MYO16: variants seen among roughly 807,000 people sequenced by gnomAD.
MYO16 encodes the protein unconventional myosin-XVI.
MYO16 carries 94 observed loss-of-function variants against 205.3 expected under a neutral mutation model. That is an observed-to-expected ratio of 0.46 (90% CI 0.39 to 0.54). MYO16 has a LOEUF of 0.54. Among genes scored for constraint, MYO16 ranks in the 20% least tolerant of loss-of-function variants. The probability of loss-of-function intolerance (pLI) is 0.00; values close to 1 mark genes in which losing one functional copy is unlikely to be tolerated. For missense variants in MYO16, 2,315 were observed against 2,387.5 expected (o/e 0.97, Z 0.63); for synonymous variants, 988 against 954.0 (o/e 1.04, Z -0.66).
chr13:108,925,507 T>C (rs1881958548), intron 16 of MYO16, among the ~76,000 whole-genome samples: 2 of 152,212 alleles, frequency 1.3e-5, no homozygotes, highest in Non-Finnish European at 2.9e-5. Context: ...TAATATTTTA[T>C]TGCAAATCTT....
intron 21 of MYO16, among the ~76,000 whole-genome samples, chr13:109,007,666 G>A (rs1359967630): frequency 6.6e-6 from 1 of 150,744 alleles, no homozygotes; most frequent in Non-Finnish European, 1.5e-5. Flanking sequence ...TTTGAGTTAT[G>A]GTATAGTTTT....
rs577852524 is a variant in MYO16, at chr13:108,681,436, CATTT to C, written c.292+15288_292+15291del. On this transcript the variant is annotated intron_variant, in intron 2 of 34. Transcript: ENST00000457511. ...AATGTTGTTTCAGCTCTCATTCATTCATTTGTTTGCCAAATATGTTTTCTGTGGC... is the reference window on the plus strand; with the variant it reads ...AATGTTGTTTCAGCTCTCATTCATTCGTTTGCCAAATATGTTTTCTGTGGC... Among the ~76,000 whole-genome samples the C allele has an allele frequency of 4.2e-3, 640 of 152,284 alleles. 4 individuals carry two copies. The highest frequency in any genetic ancestry group is 0.013 in the African/African-American group (553 of 41,564).
rs1427168850 is a variant in MYO16 at position 109,121,526 on chromosome 13, G to GC, written c.3535+1061dup. 2.6e-5 allele frequency among the ~76,000 whole-genome samples: 4 copies of GC among 152,182 alleles called. No homozygotes were observed. In the East Asian group the frequency reaches 7.7e-4, roughly 29 times the overall value. On this transcript the variant is annotated intron_variant, in intron 29 of 34. Transcript: ENST00000457511. Reference sequence around the variant, plus strand: ...TTGTAACTCACCCCTCAGCCCCTGGGCACCTTGCAGACCCTCTGTTGGAGT... The same window carrying GC: ...TTGTAACTCACCCCTCAGCCCCTGGGCCACCTTGCAGACCCTCTGTTGGAGT...
intron 23 of MYO16, among the ~76,000 whole-genome samples, chr13:109,033,301 C>A (rs1886603061): frequency 6.6e-6 from 1 of 152,192 alleles, no homozygotes; most frequent in Non-Finnish European, 1.5e-5. Flanking sequence ...ACTCATTTTG[C>A]AGCTCAGACG....
intron 3 of MYO16, among the ~76,000 whole-genome samples, chr13:108,716,981 GA>G (rs1422592716): frequency 6.6e-6 from 1 of 152,106 alleles, no homozygotes; most frequent in Non-Finnish European, 1.5e-5. Context: ...CTGACAGACA[GA>G]AGGGGAATAA....
intron 20 of MYO16, among the ~76,000 whole-genome samples, chr13:108,983,883 TAG>T (rs1884537708): frequency 6.6e-6 from 1 of 152,188 alleles, no homozygotes; most frequent in Admixed American, 6.5e-5. Flanking sequence ...CACCTCTCAT[TAG>T]TAAAAGTTGA....
intron 19 of MYO16, 74 bp from the exon 20 acceptor site, chr13:108,964,687 T>C (rs1024688622): frequency 1.4e-6 from 2 of 1,468,932 alleles, no homozygotes; most frequent in Admixed American, 3.7e-5. Context: ...ATTAATAGGA[T>C]ATGTGGAGTT....
chr13:108,712,133 T>C (rs1240912190), intron 2 of MYO16, among the ~76,000 whole-genome samples: 1 of 152,222 alleles, frequency 6.6e-6, no homozygotes, highest in Non-Finnish European at 1.5e-5. Context: ...TTTGATGTAT[T>C]TGACTTAACT....
At chr13:109,156,980 C>T (rs879563579) in intron 32 of MYO16, among the ~76,000 whole-genome samples, 4 of 152,160 alleles carry the variant, frequency 2.6e-5, no homozygotes, top group Admixed American at 2.6e-4. Context: ...AATCCTCAGG[C>T]CTGCGGCTGT....
chr13:108,952,887 C>T (rs539167589), intron 16 of MYO16, among the ~76,000 whole-genome samples: 6 of 151,904 alleles, frequency 3.9e-5, no homozygotes, highest in South Asian at 4.2e-4. Context: ...AGGGTATGAA[C>T]GCTAGAGGTT....
intron 2 of MYO16, among the ~76,000 whole-genome samples, chr13:108,711,742 A>G (rs1442663401): frequency 1.3e-5 from 2 of 152,260 alleles, no homozygotes; most frequent in Non-Finnish European, 2.9e-5. Flanking sequence ...CAAGTTACAG[A>G]TAAAGTTAAT....
intron 20 of MYO16, among the ~76,000 whole-genome samples, chr13:108,967,922 T>C (rs891519983): frequency 6.6e-6 from 1 of 152,236 alleles, no homozygotes; most frequent in East Asian, 1.9e-4. Context: ...GAAACTCATG[T>C]AAAAACCAAA....
At chr13:108,960,862 A>G (rs904637858) in intron 17 of MYO16, among the ~76,000 whole-genome samples, 2 of 152,218 alleles carry the variant, frequency 1.3e-5, no homozygotes, top group Admixed American at 1.3e-4. Context: ...GCAGCGTTCC[A>G]GATTCTCTTT....
intron 6 of MYO16, among the ~76,000 whole-genome samples, chr13:108,799,102 G>T (rs1886893416): frequency 1.3e-5 from 2 of 152,160 alleles, no homozygotes; most frequent in African/African-American, 4.8e-5. Flanking sequence ...AGTAATGCTG[G>T]TTCATCCCTT....
intron 21 of MYO16, among the ~76,000 whole-genome samples, chr13:109,005,355 A>C (rs1365858003): frequency 6.6e-6 from 1 of 152,214 alleles, no homozygotes; most frequent in Non-Finnish European, 1.5e-5. Context: ...GCAGAGAGAC[A>C]AGAAAACCCA....
In MYO16 at chr13:109,127,312, C is replaced by T. The variant is rs1876301206; in HGVS notation, c.3813C>T (p.Phe1271=). 3.1e-6 allele frequency: 5 copies of T among 1,598,186 alleles called. No homozygotes were observed. The South Asian group carries it at 5.5e-5, about 18-fold the overall frequency. ...ATGACAAGAGTGGACCCAGGCATTT[C>T]CACCCCAGCTCCATGTCAGTCTGCG... ...RTDDKSGPRH[F]HPSSMSVCAA... Residue 1271 remains phenylalanine (F), a synonymous_variant, in exon 31 of 35, where the codon TTC becomes TTT. Coordinates refer to ENST00000457511, the MANE Select transcript of MYO16 (RefSeq NM_001198950.3). This position sits in a 1 kb window ranked among gnomAD's most constrained non-coding sequence, Gnocchi z 4.2.
the MYO16 span, among the ~76,000 whole-genome samples, chr13:108,501,976 G>A: frequency 6.6e-6 from 1 of 152,184 alleles, no homozygotes; most frequent in Non-Finnish European, 1.5e-5. Context: ...CACTTTGGGA[G>A]GCCGAGGCGG....
At chr13:108,677,535 A>G (rs1882284995) in intron 2 of MYO16, among the ~76,000 whole-genome samples, 3 of 151,770 alleles carry the variant, frequency 2.0e-5, no homozygotes, top group South Asian at 2.1e-4. Context: ...ATGCACATAT[A>G]TATTTATTTT....
In MYO16 at chr13:108,823,968, G is replaced by A. The variant is rs557766062; in HGVS notation, c.1097+690G>A. On this transcript the variant is annotated intron_variant, in intron 9 of 34. Coordinates refer to ENST00000457511, the MANE Select transcript of MYO16 (RefSeq NM_001198950.3). ...TTTCAAATATCTGAAATATTTGTTC[G>A]GAATCTACTGACTGTGGGGCTTGGA... Among the ~76,000 whole-genome samples, 21 of 152,042 alleles carry A rather than the reference G, an allele frequency of 1.4e-4. No individual in the cohort carries two copies. The East Asian group carries it at 2.1e-3, about 15-fold the overall frequency.
Sources: gnomAD v4.1 joint callset for allele counts (sites outside exome capture counted in the v4.1 genomes callset) on GRCh38, gnomAD v4.1.1 for gene constraint, Gnocchi (gnomAD v3.1) non-coding constraint, MANE v1.5 for transcripts, NCBI Gene and HGNC (gene_info 2026-07-23, HGNC 2026-07-21) for gene names.